The following LRMDA variants were observed in gnomAD, a reference collection of about 807,000 sequenced individuals.
LRMDA encodes the protein leucine-rich melanocyte differentiation-associated protein.
Under a neutral mutation model 29.8 loss-of-function variants are expected in LRMDA, and 18 were observed. That is an observed-to-expected ratio of 0.60 (90% confidence interval 0.42 to 0.90). The LOEUF (loss-of-function observed/expected upper bound fraction) is 0.90. Among genes scored for constraint, LRMDA ranks in the 40% least tolerant of loss-of-function variants. LRMDA has a pLI of 0.00. For synonymous variants in LRMDA, 125 were observed against 109.4 expected, an observed-to-expected ratio of 1.14 and a Z score of -0.89; for missense variants, 273 against 273.9, an observed-to-expected ratio of 1.00 and a Z score of 0.02.
intron 2 of LRMDA, among the ~76,000 whole-genome samples, chr10:75,590,167 T>A (rs180917702): frequency 2.4e-4 from 36 of 152,004 alleles, no homozygotes; most frequent in Admixed American, 1.9e-3. Flanking sequence ...GACAGGCATG[T>A]GCTATCACAC....
chr10:75,494,265 T>A (rs1320932408), intron 2 of LRMDA, among the ~76,000 whole-genome samples: 3 of 152,202 alleles, frequency 2.0e-5, no homozygotes, highest in Non-Finnish European at 4.4e-5. Context: ...TTACTTCTTG[T>A]CTTTAGAGAT....
chr10:76,427,901 T>G (rs1240721562), intron 6 of LRMDA, among the ~76,000 whole-genome samples: 6 of 152,184 alleles, frequency 3.9e-5, no homozygotes, highest in African/African-American at 2.4e-5. Flanking sequence ...TATGCTGGAT[T>G]ATGTCTATTG....
At chr10:75,716,326 C>T (rs1842499171) in intron 2 of LRMDA, among the ~76,000 whole-genome samples, 1 of 152,170 alleles carries the variant, frequency 6.6e-6, no homozygotes, top group Non-Finnish European at 1.5e-5. Context: ...CATGAGCTGG[C>T]AAATTAACCT....
intron 2 of LRMDA, among the ~76,000 whole-genome samples, chr10:75,799,584 G>A (rs531021200): frequency 8.8e-4 from 133 of 150,602 alleles, no homozygotes; most frequent in African/African-American, 2.9e-3. Flanking sequence ...GTGCAATCTC[G>A]GCTCACTGCA....
intron 5 of LRMDA, among the ~76,000 whole-genome samples, chr10:76,127,827 T>C (rs1849912129): frequency 6.6e-6 from 1 of 152,204 alleles, no homozygotes; most frequent in Non-Finnish European, 1.5e-5. Context: ...AAGTAGTCCA[T>C]GCTAAGCTTT....
At chr10:75,649,131 C>G (rs1841565995) in intron 2 of LRMDA, among the ~76,000 whole-genome samples, 1 of 152,186 alleles carries the variant, frequency 6.6e-6, no homozygotes, top group Admixed American at 6.5e-5. Context: ...CCCTTAGCCC[C>G]TAGCAACCAC....
intron 2 of LRMDA, among the ~76,000 whole-genome samples, chr10:75,801,670 G>A (rs551902359): frequency 6.6e-6 from 1 of 152,346 alleles, no homozygotes; most frequent in Non-Finnish European, 1.5e-5. Context: ...GTGGAAGCTG[G>A]AGGCCCATGG....
At chr10:76,410,871 T>G (rs1026392885) in intron 6 of LRMDA, among the ~76,000 whole-genome samples, 1 of 151,984 alleles carries the variant, frequency 6.6e-6, no homozygotes, top group African/African-American at 2.4e-5. Flanking sequence ...GCTTGAACCC[T>G]GGAGGCAGAG....
chr10:76,216,975 G>T (rs1402145480), intron 5 of LRMDA, among the ~76,000 whole-genome samples: 1 of 152,108 alleles, frequency 6.6e-6, no homozygotes, highest in Non-Finnish European at 1.5e-5. Flanking sequence ...TGTATATCTT[G>T]TAATAGGTAG....
At chr10:76,429,059 T>C (rs1842162401) in intron 6 of LRMDA, among the ~76,000 whole-genome samples, 1 of 118,962 alleles carries the variant, frequency 8.4e-6, no homozygotes, top group South Asian at 2.9e-4. Context: ...CACACACACA[T>C]TCCCCACACT....
chr10:76,394,182 C>A (rs752014313), intron 6 of LRMDA, among the ~76,000 whole-genome samples: 11 of 152,118 alleles, frequency 7.2e-5, no homozygotes, highest in Non-Finnish European at 1.3e-4. Context: ...AAGGCATTCT[C>A]AGAAACTGAA....
chr10:75,845,891 AT>A (rs957680261), intron 2 of LRMDA, among the ~76,000 whole-genome samples: 1 of 152,152 alleles, frequency 6.6e-6, no homozygotes, highest in African/African-American at 2.4e-5. Context: ...TAATAGCAGA[AT>A]TTTAACACTT....
chr10:75,779,419 A>G (rs1341956490), intron 2 of LRMDA, among the ~76,000 whole-genome samples: 2 of 152,180 alleles, frequency 1.3e-5, no homozygotes, highest in Non-Finnish European at 2.9e-5. Flanking sequence ...GTCATGTCCA[A>G]GCCAAGCAAA....
chr10:75,885,836 C>A (rs1845378703), intron 2 of LRMDA, among the ~76,000 whole-genome samples: 1 of 152,236 alleles, frequency 6.6e-6, no homozygotes. Flanking sequence ...AAAGTGCTCG[C>A]TGAGCTCCAT....
chr10:76,107,622 C>CT (rs1306653244), intron 5 of LRMDA, among the ~76,000 whole-genome samples: 1 of 152,240 alleles, frequency 6.6e-6, no homozygotes, highest in Non-Finnish European at 1.5e-5. Flanking sequence ...TTTCCGCTGT[C>CT]TCTGTTAACA....
At chr10:75,790,309 T>C (rs1382305705) in intron 2 of LRMDA, among the ~76,000 whole-genome samples, 1 of 152,144 alleles carries the variant, frequency 6.6e-6, no homozygotes, top group East Asian at 1.9e-4. Flanking sequence ...GCAGATTCAC[T>C]CCCAGTTGAG....
chr10:75,451,455 T>C (rs1286454304), intron 2 of LRMDA: 2 of 152,176 alleles, frequency 1.3e-5, no homozygotes, highest in African/African-American at 2.4e-5. Flanking sequence ...ACAATAAATA[T>C]AGTAATTATA....
At chr10:76,381,187 T>TA (rs1841588065) in intron 6 of LRMDA, among the ~76,000 whole-genome samples, 2 of 152,108 alleles carry the variant, frequency 1.3e-5, no homozygotes, top group Admixed American at 1.3e-4. Flanking sequence ...GGACACTGAC[T>TA]GTAAAAGGAG....
At chr10:76,321,575 T>C (rs1475203669) in intron 5 of LRMDA, among the ~76,000 whole-genome samples, 1 of 152,138 alleles carries the variant, frequency 6.6e-6, no homozygotes, top group Non-Finnish European at 1.5e-5. Flanking sequence ...TTATTGTAGA[T>C]GTTGCAAATA....
Sources: gnomAD v4.1 joint callset for allele counts (sites outside exome capture counted in the v4.1 genomes callset) on GRCh38, gnomAD v4.1.1 for gene constraint, MANE v1.5 for transcripts, NCBI Gene and HGNC (gene_info 2026-07-23, HGNC 2026-07-21) for gene names.